WDFY4: variants seen among roughly 807,000 people sequenced by gnomAD.
The protein encoded by WDFY4 is WDFY family member 4, also known as WD repeat- and FYVE domain-containing protein 4.
WDFY4 carries 169 observed loss-of-function variants against 351.9 expected under a neutral mutation model. The observed-to-expected ratio is 0.48, with a 90% CI of 0.42 to 0.55. The LOEUF (loss-of-function observed/expected upper bound fraction) is 0.55. WDFY4 is among the 20% of genes least tolerant of loss of function. The pLI, the probability that WDFY4 is intolerant of heterozygous loss-of-function variation, is 0.00. For missense variants in WDFY4, 3,803 were observed against 3,935.6 expected (o/e 0.97, Z 0.90); for synonymous variants, 1,622 against 1,574.6 (o/e 1.03, Z -0.71).
At chr10:48,771,863 G>A (rs971202300) in intron 13 of WDFY4, among the ~76,000 whole-genome samples, 5 of 152,218 alleles carry the variant, frequency 3.3e-5, no homozygotes, top group Admixed American at 1.3e-4. Context: ...AAGAGAGGAA[G>A]CAGGGAGGAC....
chr10:48,935,880 T>C (rs1840326573), intron 47 of WDFY4, among the ~76,000 whole-genome samples: 1 of 149,258 alleles, frequency 6.7e-6, no homozygotes, highest in Non-Finnish European at 1.5e-5. Context: ...AAGGCTGAAA[T>C]TATCTATTTG....
At chr10:48,711,483 A>G (rs935394500) in intron 2 of WDFY4, among the ~76,000 whole-genome samples, 6 of 151,776 alleles carry the variant, frequency 4.0e-5, no homozygotes, top group Non-Finnish European at 7.4e-5. Flanking sequence ...GTCACTGGCA[A>G]TGGGGATGAG....
At chr10:48,915,678 C>A (rs567215889) in intron 47 of WDFY4, among the ~76,000 whole-genome samples, 1 of 152,318 alleles carries the variant, frequency 6.6e-6, no homozygotes, top group Admixed American at 6.5e-5. Context: ...CTCACACCTA[C>A]TGAAAATCCC....
At chr10:48,733,782 C>G in intron 9 of WDFY4, 149 bp from the exon 10 acceptor site, 1 of 676,904 alleles carries the variant, frequency 1.5e-6, no homozygotes, top group Non-Finnish European at 2.5e-6. Flanking sequence ...GGGTAACAGC[C>G]TTCTATCTTA....
chr10:48,785,687 G>A (rs969112186), intron 19 of WDFY4, among the ~76,000 whole-genome samples: 6 of 151,978 alleles, frequency 3.9e-5, no homozygotes, highest in Non-Finnish European at 8.8e-5. Context: ...CTGTTCCATC[G>A]ATCTATGTGG....
At chr10:48,710,802 G>A (rs1025179635) in intron 2 of WDFY4, among the ~76,000 whole-genome samples, 3 of 152,220 alleles carry the variant, frequency 2.0e-5, no homozygotes, top group East Asian at 1.9e-4. Context: ...GGAAACCAGC[G>A]CATCTACTGG....
At chr10:48,826,606 A>G in intron 35 of WDFY4, 65 bp from the exon 36 acceptor site, 1 of 1,252,870 alleles carries the variant, frequency 8.0e-7, no homozygotes. Context: ...GGTAAACTGG[A>G]TCTGTATCTA....
intron 6 of WDFY4, 38 bp from the exon 7 acceptor site, chr10:48,727,432 C>G (rs769646464): frequency 1.3e-6 from 2 of 1,538,206 alleles, no homozygotes; most frequent in South Asian, 2.4e-5. Flanking sequence ...CTCTTGCTTC[C>G]AAGCTCAGCA....
At chr10:48,873,092 G>A (rs1023927175) in intron 40 of WDFY4, among the ~76,000 whole-genome samples, 7 of 152,258 alleles carry the variant, frequency 4.6e-5, no homozygotes, top group African/African-American at 1.7e-4. Context: ...CAGGCAACTG[G>A]AAAAAAGTAC....
At chr10:48,884,388 GC>G (rs2070373076) in intron 43 of WDFY4, 1 of 152,128 alleles carries the variant, frequency 6.6e-6, no homozygotes, top group South Asian at 2.1e-4. Context: ...TTTCTGAGAC[GC>G]TGGTTAGCAT....
chr10:48,725,193 G>T (rs575623396), intron 5 of WDFY4, among the ~76,000 whole-genome samples: 1 of 152,194 alleles, frequency 6.6e-6, no homozygotes, highest in East Asian at 1.9e-4. Context: ...CTCTGTATCA[G>T]ACTAGAAGGG....
At chr10:48,781,278 A>ATGTG (rs577155140) in intron 19 of WDFY4, among the ~76,000 whole-genome samples, 7,596 of 150,368 alleles carry the variant, frequency 0.051, 236 homozygotes, top group Middle Eastern at 0.076. Context: ...ATATATATAT[A>ATGTG]TGTGTGTGTG....
chr10:48,901,374 C>A (rs921717235), intron 46 of WDFY4, among the ~76,000 whole-genome samples: 10 of 152,230 alleles, frequency 6.6e-5, no homozygotes, highest in African/African-American at 2.4e-4. Context: ...AATCTTACAC[C>A]TCCATAGCTC....
At chr10:48,874,074 C>T (rs1263682941) in intron 41 of WDFY4, among the ~76,000 whole-genome samples, 1 of 152,188 alleles carries the variant, frequency 6.6e-6, no homozygotes, top group African/African-American at 2.4e-5. Context: ...GCACAAGTTA[C>T]TTGTTATTGG....
chr10:48,973,914 G>A (rs1054726209), intron 57 of WDFY4, among the ~76,000 whole-genome samples: 1 of 152,168 alleles, frequency 6.6e-6, no homozygotes. Context: ...TATCAGACTC[G>A]AAAAGCCCCA....
At chr10:48,745,521 G>T in intron 12 of WDFY4, 1 of 280,072 alleles carries the variant, frequency 3.6e-6, no homozygotes, top group Non-Finnish European at 6.9e-6. Flanking sequence ...TTTATTTTTG[G>T]AATAAACAGG....
chr10:48,747,033 G>A (rs1442810306), intron 12 of WDFY4, among the ~76,000 whole-genome samples: 1 of 152,074 alleles, frequency 6.6e-6, no homozygotes, highest in African/African-American at 2.4e-5. Context: ...TAGTACATCT[G>A]TTAAACTTTC....
At chr10:48,875,527 G>A (rs976103862) in intron 42 of WDFY4, among the ~76,000 whole-genome samples, 4 of 152,134 alleles carry the variant, frequency 2.6e-5, no homozygotes, top group African/African-American at 4.8e-5. Flanking sequence ...CAATCCTCCT[G>A]CCTCAGCCTC....
chr10:48,929,845 G>A (rs1391135295), intron 47 of WDFY4, among the ~76,000 whole-genome samples: 1 of 152,118 alleles, frequency 6.6e-6, no homozygotes, highest in South Asian at 2.1e-4. Flanking sequence ...CCAAACTGTG[G>A]CATCAGACTT....
Sources: gnomAD v4.1 joint callset for allele counts (sites outside exome capture counted in the v4.1 genomes callset) on GRCh38, gnomAD v4.1.1 for gene constraint, MANE v1.5 for transcripts, NCBI Gene and HGNC (gene_info 2026-07-23, HGNC 2026-07-21) for gene names.